ULK4: variants seen among roughly 807,000 people sequenced by gnomAD.
The protein encoded by ULK4 is unc-51 like kinase 4.
ULK4 carries 133 observed loss-of-function variants against 160.6 expected under a neutral mutation model. The observed-to-expected ratio is 0.83, with a 90% CI of 0.72 to 0.96. The LOEUF (loss-of-function observed/expected upper bound fraction) is 0.96, where lower values mean the gene tolerates loss of function less well. Among genes scored for constraint, ULK4 ranks in the 40% least tolerant of loss-of-function variants. ULK4 has a pLI of 0.00. For synonymous variants in ULK4, 534 were observed against 539.8 expected, an observed-to-expected ratio of 0.99 and a Z score of 0.15; for missense variants, 1,580 against 1,499.5, an observed-to-expected ratio of 1.05 and a Z score of -0.89.
intron 34 of ULK4, among the ~76,000 whole-genome samples, chr3:41,402,496 T>G (rs2082202596): frequency 6.6e-6 from 1 of 152,198 alleles, no homozygotes; most frequent in South Asian, 2.1e-4. Context: ...TGTAAATTTT[T>G]CATAGATGCC....
chr3:41,256,609 G>A (rs1055327359), intron 35 of ULK4, among the ~76,000 whole-genome samples: 1 of 152,168 alleles, frequency 6.6e-6, no homozygotes, highest in African/African-American at 2.4e-5. Context: ...GGATCTAAAT[G>A]TAAAATGTAA....
intron 31 of ULK4, among the ~76,000 whole-genome samples, chr3:41,592,439 T>C (rs1326205369): frequency 6.6e-6 from 1 of 152,112 alleles, no homozygotes; most frequent in Non-Finnish European, 1.5e-5. Flanking sequence ...GGGTGAGGGA[T>C]ACAAGACTAC....
intron 32 of ULK4, among the ~76,000 whole-genome samples, chr3:41,503,021 C>T (rs1290910991): frequency 6.6e-6 from 1 of 151,664 alleles, no homozygotes; most frequent in African/African-American, 2.4e-5. Context: ...GATAAATTAG[C>T]CTAAGGAAAA....
At chr3:41,691,706 G>A (rs201034578) in intron 27 of ULK4, among the ~76,000 whole-genome samples, 13 of 151,764 alleles carry the variant, frequency 8.6e-5, no homozygotes, top group Admixed American at 3.9e-4. Context: ...TTTCAAACCC[G>A]TTAACACACC....
chr3:41,867,387 G>T (rs1696932898), intron 17 of ULK4, among the ~76,000 whole-genome samples: 1 of 152,138 alleles, frequency 6.6e-6, no homozygotes, highest in African/African-American at 2.4e-5. Flanking sequence ...TGTGTGTTTT[G>T]TTGTTTTGGG....
chr3:41,926,109 C>T (rs115979491), intron 5 of ULK4, among the ~76,000 whole-genome samples: 366 of 152,272 alleles, frequency 2.4e-3, no homozygotes, highest in African/African-American at 7.9e-3. Context: ...GCTCCGGCTG[C>T]TATCTGGCAG....
intron 35 of ULK4, among the ~76,000 whole-genome samples, chr3:41,378,438 A>T (rs1227915718): frequency 6.6e-6 from 1 of 151,974 alleles, no homozygotes; most frequent in Non-Finnish European, 1.5e-5. Context: ...TACACCATGG[A>T]ATACTATGCA....
chr3:41,772,363 T>C lies in ULK4; in HGVS notation c.2193+17298A>G, dbSNP rs1206307353. On this transcript the variant is annotated intron_variant, in intron 21 of 36. Transcript: ENST00000301831. ...AGAAAAGAGAGAAGAATCAAATAGATGCAATAAAAAATGATAAAGGGGATA... is the reference window on the plus strand; with the variant it reads ...AGAAAAGAGAGAAGAATCAAATAGACGCAATAAAAAATGATAAAGGGGATA... 2.6e-5 allele frequency among the ~76,000 whole-genome samples: 4 copies of C among 151,466 alleles called. No individual in the cohort carries two copies. The East Asian group carries it at 5.8e-4, about 22-fold the overall frequency.
At chr3:41,425,038 A>C (rs1213848608) in intron 34 of ULK4, among the ~76,000 whole-genome samples, 2 of 152,116 alleles carry the variant, frequency 1.3e-5, no homozygotes, top group East Asian at 3.9e-4. Flanking sequence ...CAAAGAAGCT[A>C]AGAATCATGA....
intron 22 of ULK4, among the ~76,000 whole-genome samples, chr3:41,750,993 A>G (rs1260345327): frequency 2.3e-4 from 28 of 122,482 alleles, no homozygotes; most frequent in Non-Finnish European, 8.2e-5. Flanking sequence ...AGAAAGAGAG[A>G]GAGAGAGGAA....
intron 17 of ULK4, among the ~76,000 whole-genome samples, chr3:41,861,521 G>A (rs1008530610): frequency 6.6e-6 from 1 of 152,056 alleles, no homozygotes; most frequent in Non-Finnish European, 1.5e-5. Flanking sequence ...CAGATGTACT[G>A]GAGCTCCATT....
At chr3:41,812,862 T>C (rs2040857249) in intron 19 of ULK4, among the ~76,000 whole-genome samples, 1 of 152,178 alleles carries the variant, frequency 6.6e-6, no homozygotes, top group Non-Finnish European at 1.5e-5. Flanking sequence ...GTGTGTACAT[T>C]AGGGAGGCTG....
intron 31 of ULK4, among the ~76,000 whole-genome samples, chr3:41,581,283 T>A (rs1443071224): frequency 6.6e-6 from 1 of 152,058 alleles, no homozygotes. Flanking sequence ...AGAGAGTACG[T>A]TTACCTTCTC....
intron 25 of ULK4, among the ~76,000 whole-genome samples, chr3:41,713,080 A>G (rs972634915): frequency 1.3e-5 from 2 of 151,628 alleles, no homozygotes; most frequent in Non-Finnish European, 2.9e-5. Flanking sequence ...ACTACCACCA[A>G]AAAAAAGAAA....
chr3:41,311,877 C>CATATATATATATATATATATATATAT (rs143621818), intron 35 of ULK4, among the ~76,000 whole-genome samples: 11 of 146,626 alleles, frequency 7.5e-5, no homozygotes, highest in African/African-American at 2.9e-4. Flanking sequence ...AAACTCTCCT[C>CATATATATATATATATATATATATAT]ATATATATAT....
chr3:41,456,470 A>G (rs2083556261), intron 33 of ULK4, among the ~76,000 whole-genome samples: 1 of 152,242 alleles, frequency 6.6e-6, no homozygotes, highest in African/African-American at 2.4e-5. Flanking sequence ...TGTCCAACAT[A>G]TCATTGCATG....
chr3:41,464,464 G>C (rs578211105), intron 32 of ULK4, among the ~76,000 whole-genome samples: 1 of 152,034 alleles, frequency 6.6e-6, no homozygotes, highest in African/African-American at 2.4e-5. Flanking sequence ...ATGAATTACC[G>C]TCAAAATTTC....
At chr3:41,827,569 G>A (rs1282087303) in intron 18 of ULK4, among the ~76,000 whole-genome samples, 13 of 151,970 alleles carry the variant, frequency 8.6e-5, no homozygotes, top group Admixed American at 7.9e-4. Flanking sequence ...TAAATTCCTC[G>A]ACATATACAC....
chr3:41,605,534 G>A (rs1353954793), intron 31 of ULK4, among the ~76,000 whole-genome samples: 1 of 151,918 alleles, frequency 6.6e-6, no homozygotes, highest in Non-Finnish European at 1.5e-5. Context: ...TGATAAAGAG[G>A]TCGATTCATC....
Sources: allele counts gnomAD v4.1 joint callset (sites outside exome capture counted in the v4.1 genomes callset), GRCh38; gene constraint gnomAD v4.1.1; transcripts MANE v1.5; gene names NCBI Gene and HGNC (gene_info 2026-07-23, HGNC 2026-07-21).